ACYP2: variants seen among roughly 807,000 people sequenced by gnomAD.
The protein encoded by ACYP2 is acylphosphatase-2.
In ACYP2, 12 loss-of-function variants were observed where a neutral mutation model predicts 11.2. The ratio of observed to expected loss-of-function variants is 1.08; its 90% confidence interval spans 0.69 to 1.74. The LOEUF is 1.74. Among genes scored for constraint, ACYP2 ranks in the 40% most tolerant of loss-of-function variants. The probability of loss-of-function intolerance (pLI) is 0.00; values close to 1 mark genes in which losing one functional copy is unlikely to be tolerated. For missense variants in ACYP2, 134 were observed against 101.9 expected, an observed-to-expected ratio of 1.31 and a Z score of -1.35; for synonymous variants, 43 against 32.2, an observed-to-expected ratio of 1.33 and a Z score of -1.13.
rs749128999 is a variant in ACYP2 at position 53,971,129 on chromosome 2, G to T, written c.-229G>T. ...GGAGGCGGTGGTGGCGGCAGCTGGA[G>T]CCCAACGGGCTGCGCCTTCTTCGCC... On this transcript the variant is annotated 5_prime_UTR_variant, in exon 1 of 7. Transcript: ENST00000607452. 132 of 233,948 alleles carry T rather than the reference G, an allele frequency of 5.6e-4. No homozygotes were observed. The highest frequency in any genetic ancestry group is 8.5e-4 in the Non-Finnish European group (104 of 122,140). The allele number at this position is 233,948 out of a possible 1,614,324, so 14.5% of individuals were successfully genotyped here. A position where few individuals can be genotyped will look rare whatever the true frequency, so the allele number is the denominator to read the frequency against.
chr2:53,993,783 G>T (rs1573468999), intron 2 of ACYP2, among the ~76,000 whole-genome samples: 1 of 152,208 alleles, frequency 6.6e-6, no homozygotes, highest in Non-Finnish European at 1.5e-5. Context: ...AACACCCTCA[G>T]TTGGGAGTAG....
At chr2:54,111,804 A>T (rs1053133332) in intron 4 of ACYP2, among the ~76,000 whole-genome samples, 1 of 152,230 alleles carries the variant, frequency 6.6e-6, no homozygotes, top group African/African-American at 2.4e-5. Context: ...AAATATGCCG[A>T]TGGATAAAGT....
intron 2 of ACYP2, among the ~76,000 whole-genome samples, chr2:54,021,571 C>T (rs1674009402): frequency 6.6e-6 from 1 of 152,156 alleles, no homozygotes; most frequent in Non-Finnish European, 1.5e-5. Flanking sequence ...AAAATAACTA[C>T]ACTAATTTTA....
intron 2 of ACYP2, among the ~76,000 whole-genome samples, chr2:54,021,309 G>C (rs1401086885): frequency 6.6e-6 from 1 of 152,154 alleles, no homozygotes; most frequent in Non-Finnish European, 1.5e-5. Context: ...ATTAGAACTG[G>C]TGGAAAAGAT....
At chr2:54,303,515 A>G (rs1689807684) in intron 6 of ACYP2, among the ~76,000 whole-genome samples, 2 of 152,186 alleles carry the variant, frequency 1.3e-5, no homozygotes, top group Non-Finnish European at 2.9e-5. Flanking sequence ...CAACACATGA[A>G]ATTTTCATTT....
At chr2:54,020,921 G>T (rs1002118976) in intron 2 of ACYP2, among the ~76,000 whole-genome samples, 3 of 152,148 alleles carry the variant, frequency 2.0e-5, no homozygotes, top group Non-Finnish European at 2.9e-5. Context: ...AATTTTCAGT[G>T]CCACAAAGAA....
intron 2 of ACYP2, among the ~76,000 whole-genome samples, chr2:53,995,761 A>G (rs1285974160): frequency 1.3e-5 from 2 of 152,046 alleles, no homozygotes; most frequent in African/African-American, 4.8e-5. Context: ...CCTCAATACT[A>G]TTAATTTTTT....
chr2:54,190,057 A>T (rs1348594824), intron 6 of ACYP2, among the ~76,000 whole-genome samples: 1 of 152,118 alleles, frequency 6.6e-6, no homozygotes, highest in Non-Finnish European at 1.5e-5. Flanking sequence ...ATCAAGTTAT[A>T]TGTTTTCTTG....
chr2:54,301,835 A>T lies in ACYP2; in HGVS notation c.405-2853A>T, dbSNP rs61134977. The stretch of plus-strand genomic sequence containing the variant: ...ACTGACTGCAAAAACAGCACTTGAG[A>T]GTCAGGTCTCAGGGCCTGCCAAGTG... On this transcript the variant is annotated intron_variant, in intron 6 of 6. Transcript: ENST00000607452. Among the ~76,000 whole-genome samples the T allele has an allele frequency of 8.1e-3, 1,231 of 152,292 alleles. 15 individuals are homozygous for T. Among genetic ancestry groups the T allele is most frequent in the African/African-American group, 0.027 (1,136 of 41,542 alleles).
intron 2 of ACYP2, among the ~76,000 whole-genome samples, chr2:54,023,485 T>A (rs749988480): frequency 6.6e-6 from 1 of 152,140 alleles, no homozygotes; most frequent in African/African-American, 2.4e-5. Context: ...TAGTCAAAGT[T>A]TGAGAATTTC....
chr2:54,161,957 A>G (rs528687085), intron 6 of ACYP2, among the ~76,000 whole-genome samples: 1 of 152,094 alleles, frequency 6.6e-6, no homozygotes, highest in Admixed American at 6.6e-5. Context: ...GGATTTTTTT[A>G]AAAACATTAA....
intron 4 of ACYP2, among the ~76,000 whole-genome samples, chr2:54,094,656 G>C (rs1176001552): frequency 6.6e-6 from 1 of 151,970 alleles, no homozygotes; most frequent in Non-Finnish European, 1.5e-5. Flanking sequence ...TCCCACCTCA[G>C]CCTCCCAAGT....
intron 4 of ACYP2, among the ~76,000 whole-genome samples, chr2:54,065,225 G>T (rs143369334): frequency 7.6e-4 from 115 of 152,260 alleles, no homozygotes; most frequent in Non-Finnish European, 1.3e-3. Context: ...ATTTGAAATC[G>T]TTATTACTGG....
At chr2:54,074,782 A>G (rs889795260) in intron 4 of ACYP2, among the ~76,000 whole-genome samples, 1 of 152,176 alleles carries the variant, frequency 6.6e-6, no homozygotes, top group Non-Finnish European at 1.5e-5. Context: ...GGATGAGTCA[A>G]TGTTGCACTT....
At chr2:54,170,123 C>T (rs1455049880) in intron 6 of ACYP2, among the ~76,000 whole-genome samples, 1 of 152,054 alleles carries the variant, frequency 6.6e-6, no homozygotes, top group Non-Finnish European at 1.5e-5. Context: ...CCTAAGGTGC[C>T]CTCAAGGAGG....
rs112709664 is a variant in ACYP2, at chr2:54,176,679, C to T, written c.404+37931C>T. Among the ~76,000 whole-genome samples the T allele has an allele frequency of 8.5e-5, 13 of 152,292 alleles. 1 individual carries two copies. Among genetic ancestry groups the T allele is most frequent in the African/African-American group, 2.9e-4 (12 of 41,564 alleles). ...TAGCATGCTTCCCTCAGCCTCATCC[C>T]CACCTCTACCTTCACGATGACATGC... On this transcript the variant is annotated intron_variant, in intron 6 of 6. Transcript: ENST00000607452.
chr2:54,096,052 G>T (rs1288301487), intron 4 of ACYP2, among the ~76,000 whole-genome samples: 2 of 117,080 alleles, frequency 1.7e-5, no homozygotes, highest in Admixed American at 1.7e-4. Context: ...CGGGCGGGGG[G>T]CTGACCCCCA....
chr2:54,086,933 C>G (rs1677978213), intron 4 of ACYP2, among the ~76,000 whole-genome samples: 1 of 152,184 alleles, frequency 6.6e-6, no homozygotes, highest in African/African-American at 2.4e-5. Context: ...CAGGATTTTC[C>G]AAACTTACCA....
chr2:54,297,712 T>A (rs1186951262), intron 6 of ACYP2, among the ~76,000 whole-genome samples: 1 of 151,948 alleles, frequency 6.6e-6, no homozygotes, highest in Non-Finnish European at 1.5e-5. Flanking sequence ...TGTATCTTGT[T>A]TAAAAACATA....
Sources: allele counts gnomAD v4.1 joint callset (sites outside exome capture counted in the v4.1 genomes callset), GRCh38; gene constraint gnomAD v4.1.1; transcripts MANE v1.5; gene names NCBI Gene and HGNC (gene_info 2026-07-23, HGNC 2026-07-21).